Variants in CNTN4 observed in about 807,000 individuals in gnomAD.
CNTN4 encodes contactin 4, also known as contactin-4.
A neutral mutation model predicts 122.5 loss-of-function variants in CNTN4; 77 were observed. The observed-to-expected ratio is 0.63, with a 90% confidence interval of 0.52 to 0.76. The LOEUF (loss-of-function observed/expected upper bound fraction) is 0.76, where lower values mean the gene tolerates loss of function less well. Ranked by LOEUF, CNTN4 falls within the 30% of genes least tolerant of loss-of-function variation. CNTN4 has a pLI of 0.00. For missense variants in CNTN4, 1,256 were observed against 1,259.1 expected (o/e 1.00, Z 0.04); for synonymous variants, 512 against 447.0 (o/e 1.15, Z -1.83).
intron 8 of CNTN4, among the ~76,000 whole-genome samples, chr3:2,871,243 T>C (rs1406011396): frequency 6.6e-6 from 1 of 152,232 alleles, no homozygotes; most frequent in African/African-American, 2.4e-5. Flanking sequence ...ATAGTTATTT[T>C]ATGTGTCATA....
chr3:2,251,342 A>G (rs2040370751), intron 2 of CNTN4, among the ~76,000 whole-genome samples: 1 of 151,920 alleles, frequency 6.6e-6, no homozygotes, highest in South Asian at 2.1e-4. Context: ...TACCAAATAA[A>G]TGAAGGAAGA....
chr3:3,020,904 A>G (rs1186088003), intron 14 of CNTN4, among the ~76,000 whole-genome samples: 1 of 152,218 alleles, frequency 6.6e-6, no homozygotes, highest in Non-Finnish European at 1.5e-5. Context: ...TGTATTAATG[A>G]ATCCAAAACA....
intron 2 of CNTN4, among the ~76,000 whole-genome samples, chr3:2,110,812 C>G (rs1321584984): frequency 6.6e-6 from 1 of 152,060 alleles, no homozygotes; most frequent in African/African-American, 2.4e-5. Context: ...TACCTCTCTA[C>G]TTCCTGGCTG....
chr3:2,788,067 G>A (rs980373443), intron 6 of CNTN4, among the ~76,000 whole-genome samples: 4 of 152,070 alleles, frequency 2.6e-5, no homozygotes, highest in South Asian at 4.1e-4. Flanking sequence ...TCGGATTACC[G>A]TGCCCGGCCT....
intron 3 of CNTN4, among the ~76,000 whole-genome samples, chr3:2,491,265 A>G (rs972816686): frequency 2.0e-5 from 3 of 152,226 alleles, no homozygotes; most frequent in African/African-American, 4.8e-5. Context: ...ATCAATAGAA[A>G]TAAAGATAGT....
intron 4 of CNTN4, chr3:2,735,845 C>T (rs1014505442): frequency 3.6e-5 from 15 of 416,216 alleles, no homozygotes; most frequent in Non-Finnish European, 5.2e-5. Context: ...CTTTATGACA[C>T]TAGACAGCCA....
intron 4 of CNTN4, among the ~76,000 whole-genome samples, chr3:2,626,452 G>A (rs1011100788): frequency 3.3e-5 from 5 of 150,936 alleles, no homozygotes; most frequent in South Asian, 2.1e-4. Flanking sequence ...AGCCGAGATC[G>A]CGCCACCGCA....
chr3:2,334,346 A>G (rs949871879), intron 2 of CNTN4, among the ~76,000 whole-genome samples: 1 of 152,082 alleles, frequency 6.6e-6, no homozygotes, highest in Non-Finnish European at 1.5e-5. Flanking sequence ...TTTAGTAGAG[A>G]TGGGGTTTCA....
chr3:2,708,394 A>G (rs868486608), intron 4 of CNTN4, among the ~76,000 whole-genome samples: 3 of 152,222 alleles, frequency 2.0e-5, no homozygotes, highest in Admixed American at 6.5e-5. Flanking sequence ...AATGATTATA[A>G]TTATCTGGAA....
intron 2 of CNTN4, among the ~76,000 whole-genome samples, chr3:2,289,194 A>G (rs2149979839): frequency 6.6e-6 from 1 of 152,312 alleles, no homozygotes; most frequent in South Asian, 2.1e-4. Flanking sequence ...AAAAAGAAAT[A>G]TTTTAGATGA....
intron 7 of CNTN4, among the ~76,000 whole-genome samples, chr3:2,836,532 C>A (rs1373639258): frequency 1.3e-5 from 2 of 151,828 alleles, no homozygotes; most frequent in African/African-American, 2.4e-5. Context: ...GTTATGTATT[C>A]CCATTTTATG....
At chr3:2,484,339 A>G (rs1197048443) in intron 3 of CNTN4, among the ~76,000 whole-genome samples, 9 of 152,332 alleles carry the variant, frequency 5.9e-5, no homozygotes, top group Admixed American at 5.9e-4. Context: ...TTCTATTGCT[A>G]GACAACATTG....
At chr3:2,364,561 G>A (rs1401049133) in intron 3 of CNTN4, among the ~76,000 whole-genome samples, 1 of 151,878 alleles carries the variant, frequency 6.6e-6, no homozygotes, top group Non-Finnish European at 1.5e-5. Flanking sequence ...TGACAATAGA[G>A]CCATTCTAGA....
intron 4 of CNTN4, among the ~76,000 whole-genome samples, chr3:2,722,446 G>A (rs964823218): frequency 6.6e-6 from 1 of 152,146 alleles, no homozygotes; most frequent in Non-Finnish European, 1.5e-5. Context: ...TTGCAATAAA[G>A]GTAGAGAAGG....
At chr3:2,349,176 G>T (rs1305375195) in intron 3 of CNTN4, among the ~76,000 whole-genome samples, 1 of 151,938 alleles carries the variant, frequency 6.6e-6, no homozygotes, top group Non-Finnish European at 1.5e-5. Flanking sequence ...ACCTAGAAAT[G>T]AATGCAATTA....
intron 13 of CNTN4, among the ~76,000 whole-genome samples, chr3:2,954,759 C>T (rs1014346193): frequency 1.3e-5 from 2 of 151,960 alleles, no homozygotes; most frequent in African/African-American, 4.8e-5. Context: ...ACCACAATTC[C>T]ATATGGAGTT....
intron 2 of CNTN4, among the ~76,000 whole-genome samples, chr3:2,168,080 C>G (rs938081898): frequency 6.6e-6 from 1 of 152,140 alleles, no homozygotes; most frequent in African/African-American, 2.4e-5. Flanking sequence ...TTATAGTAAG[C>G]TATGATGAGG....
chr3:2,254,403 C>T (rs2040497130), intron 2 of CNTN4, among the ~76,000 whole-genome samples: 1 of 152,094 alleles, frequency 6.6e-6, no homozygotes, highest in African/African-American at 2.4e-5. Context: ...TGGGTATATA[C>T]CCAGTAATGG....
intron 3 of CNTN4, among the ~76,000 whole-genome samples, chr3:2,546,843 C>G (rs763145150): frequency 1.3e-5 from 2 of 151,986 alleles, no homozygotes; most frequent in Non-Finnish European, 2.9e-5. Flanking sequence ...TGAGCAGTAT[C>G]CTGAAGGATT....
Sources: gnomAD v4.1 joint callset for allele counts (sites outside exome capture counted in the v4.1 genomes callset) on GRCh38, gnomAD v4.1.1 for gene constraint, MANE v1.5 for transcripts, NCBI Gene and HGNC (gene_info 2026-07-23, HGNC 2026-07-21) for gene names.